The following PPARGC1A variants were observed in gnomAD, a reference collection of about 807,000 sequenced individuals.
PPARGC1A encodes PPARG coactivator 1 alpha, also known as peroxisome proliferator-activated receptor gamma coactivator 1-alpha.
A neutral mutation model predicts 88.7 loss-of-function variants in PPARGC1A; 25 were observed. The observed-to-expected ratio is 0.28, with a 90% CI of 0.21 to 0.39. The LOEUF (loss-of-function observed/expected upper bound fraction) is 0.39, where lower values mean the gene tolerates loss of function less well. Among genes scored for constraint, PPARGC1A ranks in the 10% least tolerant of loss-of-function variants. The pLI, the probability that PPARGC1A is intolerant of heterozygous loss-of-function variation, is 1.00. For synonymous variants in PPARGC1A, 363 were observed against 355.6 expected (o/e 1.02, Z -0.24); for missense variants, 880 against 968.7 (o/e 0.91, Z 1.22).
upstream of PPARGC1A, chr4:23,904,221 G>GT (rs1719766627): frequency 5.6e-6 from 1 of 178,902 alleles, no homozygotes; most frequent in East Asian, 1.9e-4. Context: ...AGATACGAAC[G>GT]TAAGAGCAAA....
chr4:24,005,241 T>C, the PPARGC1A span, among the ~76,000 whole-genome samples: 2 of 152,010 alleles, frequency 1.3e-5, no homozygotes, highest in Admixed American at 6.6e-5. Flanking sequence ...GTGAAATAAA[T>C]GCAGAGCTTT....
intron 2 of PPARGC1A, among the ~76,000 whole-genome samples, chr4:23,835,802 T>C (rs1373011516): frequency 6.6e-6 from 1 of 152,212 alleles, no homozygotes; most frequent in Admixed American, 6.5e-5. Flanking sequence ...TGAGTGGATA[T>C]TGCCCCTCAC....
At chr4:23,999,406 G>T in the PPARGC1A span, among the ~76,000 whole-genome samples, 1 of 152,150 alleles carries the variant, frequency 6.6e-6, no homozygotes, top group Non-Finnish European at 1.5e-5. Flanking sequence ...TAGCTTTCTT[G>T]CAGTGAGCCC....
the PPARGC1A span, among the ~76,000 whole-genome samples, chr4:24,291,130 A>G: frequency 6.6e-6 from 1 of 152,164 alleles, no homozygotes; most frequent in African/African-American, 2.4e-5. Context: ...TCGCTAAAGC[A>G]TTCCACCCAA....
At chr4:23,846,695 G>T (rs909481673) in intron 2 of PPARGC1A, among the ~76,000 whole-genome samples, 5 of 151,960 alleles carry the variant, frequency 3.3e-5, no homozygotes, top group African/African-American at 4.8e-5. Flanking sequence ...TGACACTGGG[G>T]ATATAGCGAT....
chr4:24,021,812 T>C, the PPARGC1A span, among the ~76,000 whole-genome samples: 1 of 152,198 alleles, frequency 6.6e-6, no homozygotes. Context: ...ATGTGTTCAA[T>C]GTCACTAGCA....
the PPARGC1A span, among the ~76,000 whole-genome samples, chr4:24,360,239 G>A: frequency 5.3e-5 from 8 of 152,198 alleles, no homozygotes; most frequent in South Asian, 1.2e-3. Context: ...CCACAAAACT[G>A]GGGAAATGTG....
chr4:24,315,020 CT>C, the PPARGC1A span, among the ~76,000 whole-genome samples: 3 of 141,990 alleles, frequency 2.1e-5, no homozygotes, highest in East Asian at 6.1e-4. Flanking sequence ...ACATACAGAC[CT>C]TAAAAAAAAA....
At chr4:24,303,898 A>C in the PPARGC1A span, among the ~76,000 whole-genome samples, 4 of 152,390 alleles carry the variant, frequency 2.6e-5, no homozygotes, top group South Asian at 8.3e-4. Context: ...TCATTTTAAA[A>C]GTAAATGGCA....
chr4:23,971,457 T>G, the PPARGC1A span, among the ~76,000 whole-genome samples: 1 of 152,114 alleles, frequency 6.6e-6, no homozygotes, highest in Non-Finnish European at 1.5e-5. Flanking sequence ...TTAAGTAGTA[T>G]TAACTCACAT....
At chr4:23,981,021 T>G in the PPARGC1A span, among the ~76,000 whole-genome samples, 1 of 152,000 alleles carries the variant, frequency 6.6e-6, no homozygotes, top group Admixed American at 6.6e-5. Flanking sequence ...AATATGTAAT[T>G]TCTCCCTTGT....
chr4:24,056,998 T>C, the PPARGC1A span, among the ~76,000 whole-genome samples: 1 of 152,190 alleles, frequency 6.6e-6, no homozygotes, highest in South Asian at 2.1e-4. Flanking sequence ...GAGATATCTT[T>C]ACACCTGTGT....
At chr4:24,348,882 A>G in the PPARGC1A span, among the ~76,000 whole-genome samples, 1 of 152,042 alleles carries the variant, frequency 6.6e-6, no homozygotes. Context: ...GCCTTGTTTT[A>G]TCATATTACC....
the PPARGC1A span, among the ~76,000 whole-genome samples, chr4:24,420,078 A>T: frequency 2.6e-5 from 4 of 152,240 alleles, no homozygotes; most frequent in African/African-American, 9.6e-5. Context: ...TGATGCCATC[A>T]GACACTTATA....
chr4:23,821,566 G>A (rs78192358), intron 7 of PPARGC1A, among the ~76,000 whole-genome samples: 230 of 152,166 alleles, frequency 1.5e-3, no homozygotes, highest in African/African-American at 5.3e-3. Flanking sequence ...AAGGGAAGAG[G>A]TGAAACCAGT....
intron 8 of PPARGC1A, 69 bp from the exon 9 acceptor site, chr4:23,813,194 G>A: frequency 7.7e-7 from 1 of 1,303,138 alleles, no homozygotes; most frequent in Non-Finnish European, 1.1e-6. Context: ...TCGGCACTGT[G>A]GAGCATCCTC....
the PPARGC1A span, among the ~76,000 whole-genome samples, chr4:24,342,192 T>G: frequency 6.6e-6 from 1 of 152,214 alleles, no homozygotes; most frequent in Non-Finnish European, 1.5e-5. Flanking sequence ...TGATAAATAC[T>G]TATTGACTGA....
At chr4:24,275,588 G>C in the PPARGC1A span, among the ~76,000 whole-genome samples, 1 of 152,168 alleles carries the variant, frequency 6.6e-6, no homozygotes, top group East Asian at 1.9e-4. Context: ...GGAAGAGGCA[G>C]GAACCCTTTA....
At position 23,840,012 on chromosome 4, in the gene PPARGC1A, T is replaced by C. The variant is rs143311017; in HGVS notation, c.235-8261A>G. Among the ~76,000 whole-genome samples the C allele has an allele frequency of 1.6e-4, 25 of 152,130 alleles. No individual in the cohort carries two copies. The East Asian group carries it at 4.3e-3, about 26-fold the overall frequency. ...GAGCCAAACCATATCGGTTCCTAACTGGCTTCCCATTTGCCAACCCATCTC... is the reference window on the plus strand; with the variant it reads ...GAGCCAAACCATATCGGTTCCTAACCGGCTTCCCATTTGCCAACCCATCTC... On this transcript the variant is annotated intron_variant, in intron 2 of 12. Transcript: ENST00000264867.
Sources: allele counts gnomAD v4.1 joint callset (sites outside exome capture counted in the v4.1 genomes callset), GRCh38; gene constraint gnomAD v4.1.1; transcripts MANE v1.5; gene names NCBI Gene and HGNC (gene_info 2026-07-23, HGNC 2026-07-21).